FGF14: variants seen among roughly 807,000 people sequenced by gnomAD.
The protein encoded by FGF14 is fibroblast growth factor 14.
FGF14 carries 5 observed loss-of-function variants against 25.5 expected under a neutral mutation model. The observed-to-expected ratio is 0.20, with a 90% CI of 0.10 to 0.41. The LOEUF is 0.41. FGF14 is among the 10% of genes least tolerant of loss of function. The pLI is 1.00. For missense variants in FGF14, 222 were observed against 320.1 expected (o/e 0.69, Z 2.34); for synonymous variants, 138 against 118.3 (o/e 1.17, Z -1.08).
At chr13:102,294,706 T>G (rs1294819190) in intron 1 of FGF14, among the ~76,000 whole-genome samples, 1 of 152,160 alleles carries the variant, frequency 6.6e-6, no homozygotes, top group African/African-American at 2.4e-5. Flanking sequence ...AAATAGCTGT[T>G]TCCTTCTGAT....
chr13:102,182,858 C>CATAT (rs1364973948), intron 1 of FGF14, among the ~76,000 whole-genome samples: 5 of 152,106 alleles, frequency 3.3e-5, no homozygotes, highest in African/African-American at 1.2e-4. Context: ...TTAAAAGAAA[C>CATAT]ATATCCATTC....
chr13:101,880,926 G>C (rs944144078), intron 1 of FGF14, among the ~76,000 whole-genome samples: 1 of 152,164 alleles, frequency 6.6e-6, no homozygotes, highest in African/African-American at 2.4e-5. Context: ...TTGGAGAAAA[G>C]CATGCTTGAG....
At chr13:102,244,458 T>C (rs1416769779) in intron 1 of FGF14, among the ~76,000 whole-genome samples, 1 of 134,814 alleles carries the variant, frequency 7.4e-6, no homozygotes, top group Non-Finnish European at 1.7e-5. Context: ...CACAGCACTT[T>C]AAATGAAAAA....
chr13:102,370,256 G>T lies in FGF14; in HGVS notation c.208+31215C>A, dbSNP rs2057838125. ...GATCCCTGCCTTGGCCTCCCAAAGT[G>T]CTGGGATTACAATTGTGGGCCACCA... On this transcript the variant is annotated intron_variant, in intron 1 of 4. Coordinates refer to the FGF14 transcript ENST00000376131. Among the ~76,000 whole-genome samples the T allele has an allele frequency of 2.6e-5, 4 of 152,144 alleles. No homozygotes were observed. The South Asian group carries it at 8.3e-4, about 32-fold the overall frequency.
chr13:102,198,639 T>A (rs2049476226), intron 1 of FGF14, among the ~76,000 whole-genome samples: 1 of 152,190 alleles, frequency 6.6e-6, no homozygotes, highest in African/African-American at 2.4e-5. Flanking sequence ...AGAGAAAATT[T>A]CTGTTCCACC....
chr13:102,169,266 A>C (rs566198525), intron 1 of FGF14, among the ~76,000 whole-genome samples: 1 of 152,080 alleles, frequency 6.6e-6, no homozygotes, highest in South Asian at 2.1e-4. Flanking sequence ...AATATCTTCA[A>C]TCCAAAAGCT....
chr13:102,310,685 C>CTCTG (rs369697906), intron 1 of FGF14, among the ~76,000 whole-genome samples: 211 of 6,812 alleles, frequency 0.031, 9 homozygotes, highest in Middle Eastern at 0.1. Flanking sequence ...CTCTCTCTCT[C>CTCTG]TGTGTGTGTG....
At chr13:101,976,710 T>C (rs920755991) in intron 1 of FGF14, among the ~76,000 whole-genome samples, 3 of 152,220 alleles carry the variant, frequency 2.0e-5, no homozygotes, top group African/African-American at 7.2e-5. Context: ...TTTCATTCAG[T>C]ACTTGGTTAA....
At chr13:101,776,048 GATTC>G (rs1214938535) in intron 3 of FGF14, among the ~76,000 whole-genome samples, 1 of 152,088 alleles carries the variant, frequency 6.6e-6, no homozygotes, top group Non-Finnish European at 1.5e-5. Flanking sequence ...ACCTTCTACA[GATTC>G]ATTTTCTTAT....
At chr13:101,893,888 C>A (rs2030185961) in intron 1 of FGF14, among the ~76,000 whole-genome samples, 2 of 152,146 alleles carry the variant, frequency 1.3e-5, no homozygotes, top group South Asian at 4.1e-4. Flanking sequence ...GAAACCAATA[C>A]ACCTGACAAG....
intron 3 of FGF14, among the ~76,000 whole-genome samples, chr13:101,756,751 A>C (rs758559884): frequency 2.7e-4 from 41 of 152,172 alleles, no homozygotes; most frequent in Non-Finnish European, 5.6e-4. Context: ...AAAAAAACAA[A>C]AAACAAACAA....
In FGF14 at chr13:102,243,336, C is replaced by T. The variant is rs572376654; in HGVS notation, c.208+158135G>A. On this transcript the variant is annotated intron_variant, in intron 1 of 4. Coordinates refer to the FGF14 transcript ENST00000376131. Reference sequence around the variant, plus strand: ...TTCAACCAAATTCTGCCTTTTAATGCCACCTTTCCCAGAAGGAACTCCATT... The same window carrying T: ...TTCAACCAAATTCTGCCTTTTAATGTCACCTTTCCCAGAAGGAACTCCATT... Among the ~76,000 whole-genome samples, 5 of 152,178 alleles carry T rather than the reference C, an allele frequency of 3.3e-5. No homozygotes were observed. The South Asian group carries it at 6.2e-4, about 19-fold the overall frequency.
chr13:101,942,388 AT>A (rs1487206679), intron 1 of FGF14, among the ~76,000 whole-genome samples: 1 of 152,228 alleles, frequency 6.6e-6, no homozygotes, highest in Non-Finnish European at 1.5e-5. Context: ...TAGAAAAAAA[AT>A]ACTAGTGTTA....
chr13:102,287,381 C>T (rs2054159013), intron 1 of FGF14, among the ~76,000 whole-genome samples: 1 of 152,184 alleles, frequency 6.6e-6, no homozygotes, highest in Admixed American at 6.5e-5. Flanking sequence ...GATATAATCA[C>T]TATAATCACT....
At chr13:101,891,668 A>G (rs904465806) in intron 1 of FGF14, among the ~76,000 whole-genome samples, 3 of 152,096 alleles carry the variant, frequency 2.0e-5, no homozygotes, top group African/African-American at 4.8e-5. Context: ...ACAAATCTAT[A>G]TATGTATTTC....
In FGF14 at chr13:101,897,898, ATTTT is replaced by A. The variant is rs542364895; in HGVS notation, c.193+18551_193+18554del. Among the ~76,000 whole-genome samples the A allele has an allele frequency of 2.6e-3, 399 of 151,874 alleles. 1 individual carries two copies. Among genetic ancestry groups the A allele is most frequent in the African/African-American group, 9.3e-3 (385 of 41,266 alleles). On this transcript the variant is annotated intron_variant, in intron 1 of 4. Coordinates refer to ENST00000376143, the MANE Select transcript of FGF14 (RefSeq NM_004115.4). ...GCCTTTAGGATTTTTAATTTATTTT[ATTTT>A]TTATTTTTTGGAGACAGAGTCTTAC...
rs142053712 is a variant in FGF14, at chr13:102,278,865, C to A, written c.208+122606G>T. On this transcript the variant is annotated intron_variant, in intron 1 of 4. Transcript: ENST00000376131. The stretch of plus-strand genomic sequence containing the variant: ...GCAATGATGAAGTATAAACACAGAG[C>A]GCATTTTGAGCCCTCCATAGTGACC... 7.9e-3 allele frequency among the ~76,000 whole-genome samples: 1,209 copies of A among 152,128 alleles called. 9 individuals carry two copies. The highest frequency in any genetic ancestry group is 0.034 in the Middle Eastern group (10 of 294).
rs989735837 is a variant in FGF14, at chr13:101,719,767, C to G, written c.*3064G>C. 5 of 152,116 alleles carry G rather than the reference C, an allele frequency of 3.3e-5. No individual in the cohort carries two copies. Among genetic ancestry groups the G allele is most frequent in the Middle Eastern group, 3.4e-3 (1 of 294 alleles). 9.4% of individuals were successfully genotyped at this position (152,116 alleles called of 1,614,324 possible). A position where few individuals can be genotyped will look rare whatever the true frequency, so the allele number is the denominator to read the frequency against. On this transcript the variant is annotated 3_prime_UTR_variant, in exon 5 of 5. Transcript: ENST00000376143. ...CATATGCACATGGAGGTACAAAACACACAGTCTAAATACAAATGAATTCCA... is the reference window on the plus strand; with the variant it reads ...CATATGCACATGGAGGTACAAAACAGACAGTCTAAATACAAATGAATTCCA...
intron 1 of FGF14, among the ~76,000 whole-genome samples, chr13:101,975,716 T>C (rs1441645939): frequency 6.6e-6 from 1 of 152,202 alleles, no homozygotes; most frequent in East Asian, 1.9e-4. Context: ...GGCCTCTTTT[T>C]ACAGCAAAGA....
Sources: gnomAD v4.1 joint callset for allele counts (sites outside exome capture counted in the v4.1 genomes callset) on GRCh38, gnomAD v4.1.1 for gene constraint, MANE v1.5 for transcripts, NCBI Gene and HGNC (gene_info 2026-07-23, HGNC 2026-07-21) for gene names.